SPAST: variants seen among roughly 807,000 people sequenced by gnomAD.
The protein encoded by SPAST is spastic paraplegia 4 (autosomal dominant; spastin).
A neutral mutation model predicts 76.6 loss-of-function variants in SPAST; 30 were observed. That is an observed-to-expected ratio of 0.39 (90% CI 0.29 to 0.53). The LOEUF is 0.53. SPAST is among the 20% of genes least tolerant of loss of function. SPAST has a pLI of 0.68. For missense variants in SPAST, 717 were observed against 770.5 expected, an observed-to-expected ratio of 0.93 and a Z score of 0.82; for synonymous variants, 305 against 281.0, an observed-to-expected ratio of 1.09 and a Z score of -0.86.
In SPAST at chr2:32,087,477, T is replaced by A. The variant is rs1195472388; in HGVS notation, c.416-15T>A. 2 of 1,527,732 alleles carry A rather than the reference T, an allele frequency of 1.3e-6. No homozygotes were observed. Among genetic ancestry groups the A allele is most frequent in the Non-Finnish European group, 9.1e-7 (1 of 1,103,836 alleles). The allele number at this position is 1,527,732 out of a possible 1,614,324, so 94.6% of individuals were successfully genotyped here. A position where few individuals can be genotyped will look rare whatever the true frequency, so the allele number is the denominator to read the frequency against. On this transcript the variant is annotated splice_polypyrimidine_tract_variant and intron_variant, in intron 1 of 16. Transcript: ENST00000315285. Reference sequence around the variant, plus strand: ...CTCTTCATACGATCTATACAAATAATTTTTTATTTTAAAGCAGGACAGAAG... The same window carrying A: ...CTCTTCATACGATCTATACAAATAAATTTTTATTTTAAAGCAGGACAGAAG...
intron 4 of SPAST, among the ~76,000 whole-genome samples, chr2:32,108,805 G>T (rs1006770462): frequency 8.3e-6 from 1 of 120,174 alleles, no homozygotes; most frequent in African/African-American, 3.2e-5. Context: ...TCACTCTGTC[G>T]CCCAGGGTGG....
chr2:32,067,819 A>G (rs1676584106), intron 1 of SPAST, among the ~76,000 whole-genome samples: 1 of 150,360 alleles, frequency 6.7e-6, no homozygotes, highest in African/African-American at 2.4e-5. Flanking sequence ...AGAAATTTCA[A>G]CAATATTTTG....
chr2:32,071,020 TA>T (rs1676727552), intron 1 of SPAST, among the ~76,000 whole-genome samples: 1 of 152,224 alleles, frequency 6.6e-6, no homozygotes, highest in Non-Finnish European at 1.5e-5. Flanking sequence ...TTTTATGTTG[TA>T]ATGCTGGTAA....
chr2:32,090,561 T>C (rs1234558420), intron 3 of SPAST, among the ~76,000 whole-genome samples: 1 of 152,192 alleles, frequency 6.6e-6, no homozygotes, highest in Non-Finnish European at 1.5e-5. Flanking sequence ...CAAAATGCAA[T>C]TTCCAAATTT....
intron 1 of SPAST, 63 bp downstream of exon 1, chr2:32,064,309 GA>G: frequency 1.3e-6 from 1 of 786,716 alleles, no homozygotes; most frequent in Non-Finnish European, 2.1e-6. Flanking sequence ...GTCGCCGGGG[GA>G]GGGCAACACC....
Position 32,114,667 on chromosome 2 carries a change from C to G in SPAST, c.712C>G (p.Pro238Ala). ...TGGAGCTGTTCCAAAAAGAAAAGACCCCTTAACACACACTAGTAATTCACT... is the reference window on the plus strand; with the variant it reads ...TGGAGCTGTTCCAAAAAGAAAAGACGCCTTAACACACACTAGTAATTCACT... ...ESGAVPKRKD[P>A]LTHTSNSLPR... Residue 238 changes from proline (P) to alanine (A), a missense_variant, in exon 5 of 17, where the codon CCC (proline) becomes GCC (alanine). Physicochemically the swap from Pro to Ala is conservative, Grantham distance 27. This residue lies in a region of SPAST where 543 missense variants were observed against 445.2 expected (regional missense o/e 1.22). Coordinates refer to ENST00000315285, the MANE Select transcript of SPAST (RefSeq NM_014946.4). 6.2e-7 allele frequency: 1 copy of G among 1,613,970 alleles called. No individual in the cohort carries two copies. The highest frequency in any genetic ancestry group is 8.5e-7 in the Non-Finnish European group (1 of 1,179,968).
intron 4 of SPAST, among the ~76,000 whole-genome samples, chr2:32,110,670 A>G (rs1054829516): frequency 2.9e-5 from 4 of 138,382 alleles, no homozygotes; most frequent in Admixed American, 7.7e-5. Flanking sequence ...TATATATAGT[A>G]TATATAGTGT....
chr2:32,091,056 A>G (rs1677694119), intron 3 of SPAST, among the ~76,000 whole-genome samples: 1 of 151,852 alleles, frequency 6.6e-6, no homozygotes, highest in African/African-American at 2.4e-5. Flanking sequence ...ATATATATTA[A>G]TAAGTTAAAT....
chr2:32,089,415 T>G lies in SPAST; in HGVS notation c.503-107T>G. ...TTCTTCTTTTTTTTAAAAAAAAATT[T>G]CTGTATAAAGACTGTGACTCCCCAT... is the stretch of plus-strand genomic sequence containing the variant. On this transcript the variant is annotated intron_variant, in intron 2 of 16. Transcript: ENST00000315285. 3 of 649,612 alleles carry G rather than the reference T, an allele frequency of 4.6e-6. No individual in the cohort carries two copies. In the South Asian group the frequency reaches 5.2e-5, roughly 11 times the overall value. 40.2% of individuals were successfully genotyped at this position (649,612 alleles called of 1,614,324 possible).
chr2:32,100,766 C>T (rs1678089977), intron 4 of SPAST, among the ~76,000 whole-genome samples: 1 of 152,114 alleles, frequency 6.6e-6, no homozygotes. Flanking sequence ...CAGCTTCATC[C>T]ATGTCCCTAC....
chr2:32,076,837 T>C (rs1411147479), intron 1 of SPAST, among the ~76,000 whole-genome samples: 1 of 152,110 alleles, frequency 6.6e-6, no homozygotes, highest in Non-Finnish European at 1.5e-5. Context: ...GCTGGGACTA[T>C]AGGTGTGTGC....
chr2:32,094,057 A>G (rs1306139805), intron 3 of SPAST, among the ~76,000 whole-genome samples: 1 of 152,160 alleles, frequency 6.6e-6, no homozygotes, highest in Non-Finnish European at 1.5e-5. Flanking sequence ...TTAGATACCT[A>G]TCTGGCACCA....
At chr2:32,132,192 C>G (rs1679390338) in intron 9 of SPAST, among the ~76,000 whole-genome samples, 1 of 151,854 alleles carries the variant, frequency 6.6e-6, no homozygotes, top group Admixed American at 6.6e-5. Flanking sequence ...GAGTTCAAGA[C>G]CAGGCTGGGC....
At chr2:32,127,195 G>A (rs775810856) in intron 8 of SPAST, 173 bp downstream of exon 8, 12 of 610,530 alleles carry the variant, frequency 2.0e-5, no homozygotes, top group East Asian at 5.8e-5. Context: ...TGGGCTCACC[G>A]CAACCTCCGC....
rs1679495028 is a variant in SPAST at position 32,135,146 on chromosome 2, G to GTGTA, written c.1246-1415_1246-1414insTATG. ...TGTGTGTGTGTGTGTGTGTGTGTGTGTGAGATGGAGTCTTGCTCTGTCGCC... is the reference window on the plus strand; with the variant it reads ...TGTGTGTGTGTGTGTGTGTGTGTGTGTGTATGAGATGGAGTCTTGCTCTGTCGCC... On this transcript the variant is annotated intron_variant, in intron 9 of 16. Transcript: ENST00000315285. 3.3e-5 allele frequency among the ~76,000 whole-genome samples: 5 copies of GTGTA among 151,648 alleles called. No homozygotes were observed. In the South Asian group the frequency reaches 1.0e-3, roughly 32 times the overall value.
chr2:32,113,690 G>A (rs1413334200), intron 4 of SPAST, among the ~76,000 whole-genome samples: 9 of 141,358 alleles, frequency 6.4e-5, no homozygotes, highest in East Asian at 4.5e-4. Context: ...CTCAGCCTCC[G>A]AAGTAGCTGG....
rs925050850 is a variant in SPAST, at chr2:32,063,574, C to T, written c.-258C>T. 127 of 510,976 alleles carry T rather than the reference C, an allele frequency of 2.5e-4. No individual in the cohort carries two copies. The highest frequency in any genetic ancestry group is 7.5e-5 in the Non-Finnish European group (22 of 291,986). 31.7% of individuals were successfully genotyped at this position (510,976 alleles called of 1,614,324 possible). A position where few individuals can be genotyped will look rare whatever the true frequency, so the allele number is the denominator to read the frequency against. Reference sequence around the variant, plus strand: ...CGCGTGCGCGGCCGCCGCTGGGAGCCACCAGGCGGCGGAGAGGACAGCGAC... The same window carrying T: ...CGCGTGCGCGGCCGCCGCTGGGAGCTACCAGGCGGCGGAGAGGACAGCGAC... On this transcript the variant is annotated 5_prime_UTR_variant, in exon 1 of 17. Transcript: ENST00000315285.
At position 32,110,737 on chromosome 2, in the gene SPAST, T is replaced by TATATAGTATATATA. The variant is rs1558320100; in HGVS notation, c.683-3901_683-3900insATATAGTATATATA. On this transcript the variant is annotated intron_variant, in intron 4 of 16. Transcript: ENST00000315285. ...ACTATATAGTATACATATAGTACAC[T>TATATAGTATATATA]GTATAGTATATATAGTATAGTATAT... is the stretch of plus-strand genomic sequence containing the variant. Among the ~76,000 whole-genome samples, 5 of 131,962 alleles carry TATATAGTATATATA rather than the reference T, an allele frequency of 3.8e-5. 1 individual carries two copies. Among genetic ancestry groups the TATATAGTATATATA allele is most frequent in the South Asian group, 4.7e-4 (2 of 4,274 alleles). 86.6% of individuals were successfully genotyped at this position (131,962 alleles called of 152,430 possible).
At chr2:32,089,409 A>C in intron 2 of SPAST, 113 bp from the exon 3 acceptor site, 1 of 637,182 alleles carries the variant, frequency 1.6e-6, no homozygotes, top group Non-Finnish European at 2.7e-6. Flanking sequence ...TTTTTAAAAA[A>C]AAATTTCTGT....
Sources: allele counts gnomAD v4.1 joint callset (sites outside exome capture counted in the v4.1 genomes callset), GRCh38; gene constraint gnomAD v4.1.1; regional missense constraint gnomAD v4.1.1; transcripts MANE v1.5; gene names NCBI Gene and HGNC (gene_info 2026-07-23, HGNC 2026-07-21).